The following ANO3 variants were observed in gnomAD, a reference collection of about 807,000 sequenced individuals.
The protein encoded by ANO3 is anoctamin-3.
In ANO3, 99 loss-of-function variants were observed where a neutral mutation model predicts 144.8. The ratio of observed to expected loss-of-function variants is 0.68; its 90% CI spans 0.58 to 0.81. The LOEUF is 0.81. ANO3 is among the 30% of genes least tolerant of loss of function. The pLI is 0.00. For synonymous variants in ANO3, 414 were observed against 392.6 expected (o/e 1.05, Z -0.64); for missense variants, 905 against 1,202.2 (o/e 0.75, Z 3.66).
chr11:26,244,974 GGTGTGTGTGTGTGTGTGT>G lies in ANO3; in HGVS notation c.154+55674_154+55691del, dbSNP rs61543573. Among the ~76,000 whole-genome samples, 1,103 of 121,678 alleles carry G rather than the reference GGTGTGTGTGTGTGTGTGT, an allele frequency of 9.1e-3. 9 individuals are homozygous for G. Among genetic ancestry groups the G allele is most frequent in the South Asian group, 0.023 (75 of 3,328 alleles). 79.8% of individuals were successfully genotyped at this position (121,678 alleles called of 152,430 possible). ...ATATAGAAGAGTCTTCTGGTCTCCT[GGTGTGTGTGTGTGTGTGT>G]GTGTGTGTGTGTGTGTGTGTGTGTG... On this transcript the variant is annotated intron_variant, in intron 1 of 27. Coordinates refer to the ANO3 transcript ENST00000672621.
At chr11:26,264,835 G>A (rs1342150484) in intron 1 of ANO3, among the ~76,000 whole-genome samples, 3 of 151,714 alleles carry the variant, frequency 2.0e-5, no homozygotes, top group African/African-American at 2.4e-5. Context: ...CCACCCTAAT[G>A]ACTTTATTCC....
chr11:26,206,126 T>C (rs933524688), intron 1 of ANO3, among the ~76,000 whole-genome samples: 3 of 152,210 alleles, frequency 2.0e-5, no homozygotes, highest in Non-Finnish European at 4.4e-5. Context: ...TTTGGAACTA[T>C]TTAAATACAG....
chr11:26,548,007 G>A (rs1172637169), intron 12 of ANO3, among the ~76,000 whole-genome samples: 2 of 151,874 alleles, frequency 1.3e-5, no homozygotes, highest in Admixed American at 1.3e-4. Flanking sequence ...TTTTGCACAT[G>A]AGGGAACCTA....
chr11:26,630,738 A>T (rs537466672), intron 18 of ANO3, among the ~76,000 whole-genome samples: 207 of 152,284 alleles, frequency 1.4e-3, no homozygotes, highest in Non-Finnish European at 2.1e-3. Context: ...TGAGTAAGGA[A>T]TTCTGTGGTA....
intron 1 of ANO3, among the ~76,000 whole-genome samples, chr11:26,231,292 T>C (rs374862717): frequency 1.5e-4 from 23 of 152,160 alleles, no homozygotes; most frequent in African/African-American, 4.6e-4. Flanking sequence ...CCATGCTTCC[T>C]TTGGAGAATG....
At chr11:26,204,222 T>G (rs1313412370) in intron 1 of ANO3, among the ~76,000 whole-genome samples, 1 of 152,054 alleles carries the variant, frequency 6.6e-6, no homozygotes, top group East Asian at 1.9e-4. Context: ...CACACACCCC[T>G]TATTATAGAG....
chr11:26,442,159 G>A, intron 2 of ANO3, 47 bp downstream of exon 2: 1 of 1,567,614 alleles, frequency 6.4e-7, no homozygotes, highest in Non-Finnish European at 8.7e-7. Context: ...AAAACTACGT[G>A]TTTTCCAAAC....
intron 1 of ANO3, among the ~76,000 whole-genome samples, chr11:26,289,085 T>A (rs1853874857): frequency 6.6e-6 from 1 of 152,168 alleles, no homozygotes; most frequent in Non-Finnish European, 1.5e-5. Context: ...AGGTAAACCA[T>A]ACATATCAGG....
intron 1 of ANO3, among the ~76,000 whole-genome samples, chr11:26,266,149 G>A (rs1175145364): frequency 1.3e-5 from 2 of 151,994 alleles, no homozygotes; most frequent in African/African-American, 2.4e-5. Flanking sequence ...TTATCTAGGA[G>A]GATTTTTTTT....
chr11:26,632,597 A>T (rs889574150), intron 18 of ANO3, among the ~76,000 whole-genome samples: 2 of 148,778 alleles, frequency 1.3e-5, no homozygotes, highest in Admixed American at 1.3e-4. Context: ...TATATATAAT[A>T]TATGTCTGTC....
intron 1 of ANO3, among the ~76,000 whole-genome samples, chr11:26,389,404 G>A (rs78804415): frequency 0.01 from 1,546 of 152,036 alleles, 21 homozygotes; most frequent in African/African-American, 0.035. Flanking sequence ...TCTAGGCTGA[G>A]TGACTATAAC....
At chr11:26,401,868 C>T (rs919517281) in intron 1 of ANO3, among the ~76,000 whole-genome samples, 1 of 152,036 alleles carries the variant, frequency 6.6e-6, no homozygotes, top group Non-Finnish European at 1.5e-5. Context: ...GACGATTCCA[C>T]ATTGTAGAAT....
intron 14 of ANO3, among the ~76,000 whole-genome samples, chr11:26,590,586 T>C (rs1290757307): frequency 1.3e-5 from 2 of 152,152 alleles, no homozygotes; most frequent in African/African-American, 2.4e-5. Flanking sequence ...TTGGGCCCTG[T>C]GGTGAGTGCT....
At chr11:26,358,929 G>A (rs1268133643) in intron 1 of ANO3, among the ~76,000 whole-genome samples, 3 of 152,072 alleles carry the variant, frequency 2.0e-5, no homozygotes, top group African/African-American at 7.2e-5. Flanking sequence ...AAAAATTTGG[G>A]TCTCTTAAAA....
At chr11:26,564,830 A>G (rs1359330914) in intron 14 of ANO3, among the ~76,000 whole-genome samples, 1 of 137,212 alleles carries the variant, frequency 7.3e-6, no homozygotes, top group Non-Finnish European at 1.5e-5. Context: ...AATTTCAGGT[A>G]GTCTTTTCAA....
chr11:26,396,444 G>A (rs1397593482), intron 1 of ANO3, among the ~76,000 whole-genome samples: 1 of 152,084 alleles, frequency 6.6e-6, no homozygotes, highest in Admixed American at 6.6e-5. Context: ...CCATTACTGG[G>A]TATATACATA....
At chr11:26,267,299 T>C (rs1590224567) in intron 1 of ANO3, among the ~76,000 whole-genome samples, 1 of 152,096 alleles carries the variant, frequency 6.6e-6, no homozygotes, top group African/African-American at 2.4e-5. Context: ...AAAGTATGTA[T>C]GCAGAGTGTT....
chr11:26,491,405 GT>G (rs755628726), intron 4 of ANO3, among the ~76,000 whole-genome samples: 2 of 152,116 alleles, frequency 1.3e-5, no homozygotes, highest in Non-Finnish European at 2.9e-5. Context: ...TATAAGCAGT[GT>G]TTTTCTAAAA....
At chr11:26,422,244 C>A (rs1300936019) in intron 1 of ANO3, among the ~76,000 whole-genome samples, 1 of 151,974 alleles carries the variant, frequency 6.6e-6, no homozygotes, top group Admixed American at 6.6e-5. Context: ...GAACAATCAA[C>A]CAGTTATTAT....
Sources: gnomAD v4.1 joint callset for allele counts (sites outside exome capture counted in the v4.1 genomes callset) on GRCh38, gnomAD v4.1.1 for gene constraint, MANE v1.5 for transcripts, NCBI Gene and HGNC (gene_info 2026-07-23, HGNC 2026-07-21) for gene names.